TMEM132D: variants seen among roughly 807,000 people sequenced by gnomAD.
TMEM132D encodes the protein mature OL transmembrane protein.
Under a neutral mutation model 62.3 loss-of-function variants are expected in TMEM132D, and 21 were observed. The observed-to-expected ratio is 0.34, with a 90% CI of 0.24 to 0.49. The LOEUF is 0.49. TMEM132D is among the 20% of genes least tolerant of loss of function. TMEM132D has a pLI of 0.99. For synonymous variants in TMEM132D, 621 were observed against 575.6 expected (o/e 1.08, Z -1.13); for missense variants, 1,346 against 1,402.8 (o/e 0.96, Z 0.65).
chr12:129,623,718 T>G (rs111511561), intron 2 of TMEM132D, among the ~76,000 whole-genome samples: 1 of 111,892 alleles, frequency 8.9e-6, no homozygotes, highest in Non-Finnish European at 2.0e-5. Context: ...CATATGCATA[T>G]ATATACATAC....
In TMEM132D at chr12:129,141,554, C is replaced by T. The variant is rs566659936; in HGVS notation, c.1444-56852G>A. The stretch of plus-strand genomic sequence containing the variant: ...TTCCTTGGGGGAGTGCCAGTAGGAA[C>T]GAAACGTCAGAGCTTAGTGAACTAA... On this transcript the variant is annotated intron_variant, in intron 5 of 8. Coordinates refer to ENST00000422113, the MANE Select transcript of TMEM132D (RefSeq NM_133448.3). 5.3e-5 allele frequency among the ~76,000 whole-genome samples: 8 copies of T among 152,106 alleles called. No homozygotes were observed. The South Asian group carries it at 1.5e-3, about 28-fold the overall frequency.
At position 129,262,350 on chromosome 12, in the gene TMEM132D, C is replaced by T. The variant is rs116362491; in HGVS notation, c.1300-52687G>A. Reference sequence around the variant, plus strand: ...AGTCTTTAGTAGTAACATTATAACCCTCATAGATAGATCATTAGCTTGCTA... The same window carrying T: ...AGTCTTTAGTAGTAACATTATAACCTTCATAGATAGATCATTAGCTTGCTA... On this transcript the variant is annotated intron_variant, in intron 4 of 8. Transcript: ENST00000422113. 1.1e-3 allele frequency: 172 copies of T among 152,282 alleles called. 1 individual carries two copies. The highest frequency in any genetic ancestry group is 4.0e-3 in the African/African-American group (165 of 41,546). The allele number at this position is 152,282 out of a possible 1,614,324, so 9.4% of individuals were successfully genotyped here. A position where few individuals can be genotyped will look rare whatever the true frequency, so the allele number is the denominator to read the frequency against.
At chr12:129,407,041 C>T (rs767867173) in intron 3 of TMEM132D, among the ~76,000 whole-genome samples, 3 of 152,190 alleles carry the variant, frequency 2.0e-5, no homozygotes, top group Non-Finnish European at 4.4e-5. Context: ...GAAAAGGCTA[C>T]TCTGAATGAA....
At chr12:129,876,142 C>A (rs1403862604) in intron 1 of TMEM132D, among the ~76,000 whole-genome samples, 1 of 152,248 alleles carries the variant, frequency 6.6e-6, no homozygotes, top group East Asian at 1.9e-4. Flanking sequence ...CTAAGGAAAT[C>A]GACAGAAGGG....
At chr12:129,839,117 A>ATTTTTTT (rs71085578) in intron 1 of TMEM132D, among the ~76,000 whole-genome samples, 685 of 20,698 alleles carry the variant, frequency 0.033, 240 homozygotes, top group South Asian at 0.066. Context: ...CGCCTGGCTA[A>ATTTTTTT]TTTTTTTTTT....
At chr12:129,795,291 C>T (rs1387880444) in intron 1 of TMEM132D, among the ~76,000 whole-genome samples, 1 of 152,210 alleles carries the variant, frequency 6.6e-6, no homozygotes, top group African/African-American at 2.4e-5. Flanking sequence ...CACGGAAGCC[C>T]TCCCAGCGTG....
chr12:129,287,832 C>G (rs548146301), intron 4 of TMEM132D, among the ~76,000 whole-genome samples: 2 of 152,224 alleles, frequency 1.3e-5, no homozygotes, highest in South Asian at 2.1e-4. Context: ...TTTTTGACAC[C>G]CTTATCAAAA....
intron 5 of TMEM132D, chr12:129,208,502 C>T (rs117867526): frequency 0.02 from 3,015 of 152,366 alleles, 44 homozygotes; most frequent in Non-Finnish European, 0.031. Flanking sequence ...TTGAACAGTA[C>T]CTAGCACTTA....
chr12:129,466,636 A>G (rs1196445908), intron 3 of TMEM132D, among the ~76,000 whole-genome samples: 1 of 152,196 alleles, frequency 6.6e-6, no homozygotes, highest in African/African-American at 2.4e-5. Context: ...CTTATTAGGT[A>G]CATTCCCTGG....
chr12:129,117,044 G>A lies in TMEM132D; in HGVS notation c.1444-32342C>T, dbSNP rs75648945. ...GTAGGTGAATGGATAAATAAACCGT[G>A]GTGTGCTATATAATGGAACATTATT... On this transcript the variant is annotated intron_variant, in intron 5 of 8. Transcript: ENST00000422113. 5.1e-3 allele frequency among the ~76,000 whole-genome samples: 775 copies of A among 151,794 alleles called. 28 individuals are homozygous for A. Among genetic ancestry groups the A allele is most frequent in the East Asian group, 0.034 (178 of 5,168 alleles).
At chr12:129,361,516 G>C (rs1169956651) in intron 3 of TMEM132D, among the ~76,000 whole-genome samples, 1 of 144,816 alleles carries the variant, frequency 6.9e-6, no homozygotes, top group Admixed American at 6.9e-5. Context: ...TAAATACAGG[G>C]TTTTCTTGTA....
intron 5 of TMEM132D, among the ~76,000 whole-genome samples, chr12:129,164,860 A>G (rs113294761): frequency 8.5e-5 from 13 of 152,334 alleles, no homozygotes; most frequent in African/African-American, 3.1e-4. Context: ...CAAAGCCTAA[A>G]CATATCACCA....
intron 4 of TMEM132D, among the ~76,000 whole-genome samples, chr12:129,247,041 TTA>T (rs1357163680): frequency 7.2e-5 from 11 of 152,334 alleles, no homozygotes; most frequent in African/African-American, 2.4e-4. Context: ...GATTTTCTTG[TTA>T]TGTTTCTTCC....
chr12:129,589,473 T>C (rs976838637), intron 2 of TMEM132D, among the ~76,000 whole-genome samples: 2 of 152,212 alleles, frequency 1.3e-5, no homozygotes, highest in African/African-American at 4.8e-5. Context: ...AATTGGTACC[T>C]ACCCGCATAT....
At chr12:129,736,783 T>C (rs544396764) in intron 1 of TMEM132D, among the ~76,000 whole-genome samples, 1 of 151,488 alleles carries the variant, frequency 6.6e-6, no homozygotes, top group South Asian at 2.1e-4. Flanking sequence ...ATATCTGTGA[T>C]GCGTGCATTA....
At chr12:129,504,567 T>C (rs1875272099) in intron 3 of TMEM132D, among the ~76,000 whole-genome samples, 1 of 152,222 alleles carries the variant, frequency 6.6e-6, no homozygotes, top group Non-Finnish European at 1.5e-5. Flanking sequence ...GTGTCAGTTG[T>C]AATATCCTCT....
intron 3 of TMEM132D, among the ~76,000 whole-genome samples, chr12:129,426,667 T>C (rs987000556): frequency 2.0e-5 from 3 of 152,190 alleles, no homozygotes; most frequent in Admixed American, 6.5e-5. Flanking sequence ...AATACCAACA[T>C]TGGCAGCTGA....
chr12:129,468,006 G>A (rs1007624433), intron 3 of TMEM132D, among the ~76,000 whole-genome samples: 1 of 152,190 alleles, frequency 6.6e-6, no homozygotes, highest in African/African-American at 2.4e-5. Context: ...GTGCTGAGAA[G>A]AGCACACACG....
intron 1 of TMEM132D, among the ~76,000 whole-genome samples, chr12:129,746,629 G>A (rs759382571): frequency 3.3e-5 from 5 of 152,020 alleles, no homozygotes; most frequent in Admixed American, 2.0e-4. Context: ...AGCCATATTT[G>A]GTGAGAGCAA....
Sources: allele counts gnomAD v4.1 joint callset (sites outside exome capture counted in the v4.1 genomes callset), GRCh38; gene constraint gnomAD v4.1.1; transcripts MANE v1.5; gene names NCBI Gene and HGNC (gene_info 2026-07-23, HGNC 2026-07-21).